The following RNF212 variants were observed in gnomAD, a reference collection of about 807,000 sequenced individuals.
RNF212 encodes the protein ring finger protein 212.
In RNF212, 33 loss-of-function variants were observed where a neutral mutation model predicts 34.7. The observed-to-expected ratio is 0.95, with a 90% confidence interval of 0.72 to 1.27. RNF212 has a LOEUF of 1.27. Among genes scored for constraint, RNF212 ranks in the 50% most tolerant of loss-of-function variants. The pLI is 0.00. For synonymous variants in RNF212, 140 were observed against 136.1 expected, an observed-to-expected ratio of 1.03 and a Z score of -0.20; for missense variants, 377 against 362.2, an observed-to-expected ratio of 1.04 and a Z score of -0.33.
chr4:1,091,078 T>C (rs1722119851), intron 3 of RNF212, among the ~76,000 whole-genome samples: 1 of 152,262 alleles, frequency 6.6e-6, no homozygotes, highest in South Asian at 2.1e-4. Context: ...TCCATTCAAG[T>C]TGCGAGTGGT....
chr4:1,112,648 G>C (rs1725872284), intron 1 of RNF212, among the ~76,000 whole-genome samples: 1 of 150,216 alleles, frequency 6.7e-6, no homozygotes, highest in Non-Finnish European at 1.5e-5. Flanking sequence ...CTGCAAGCCA[G>C]AGCCCCCGAC....
At chr4:1,105,339 AGGCACT>A (rs757253008) in intron 2 of RNF212, among the ~76,000 whole-genome samples, 173 of 152,298 alleles carry the variant, frequency 1.1e-3, no homozygotes, top group Non-Finnish European at 2.1e-3. Flanking sequence ...CCACATCCCC[AGGCACT>A]GGCTTCAGTC....
At chr4:1,074,912 T>C (rs1022682063) in intron 8 of RNF212, among the ~76,000 whole-genome samples, 5 of 49,982 alleles carry the variant, frequency 1.0e-4, no homozygotes, top group African/African-American at 4.3e-4. Context: ...CATTTCTGGA[T>C]CCTTCCATCC....
rs35166968 is a variant in RNF212, at chr4:1,106,249, TACACACAC to T, written c.171+2086_171+2093del. 2.4e-3 allele frequency among the ~76,000 whole-genome samples: 349 copies of T among 146,050 alleles called. 4 individuals are homozygous for T. Among genetic ancestry groups the T allele is most frequent in the South Asian group, 9.1e-3 (40 of 4,414 alleles). On this transcript the variant is annotated intron_variant, in intron 2 of 9. Transcript: ENST00000433731. Reference sequence around the variant, plus strand: ...CTTCTACATGTTAAACAATTTTACTTACACACACACACACACACACACACACACACACA... The same window carrying T: ...CTTCTACATGTTAAACAATTTTACTTACACACACACACACACACACACACA...
chr4:1,097,384 C>T (rs1723226836), intron 2 of RNF212, among the ~76,000 whole-genome samples: 3 of 151,998 alleles, frequency 2.0e-5, no homozygotes, highest in Non-Finnish European at 4.4e-5. Flanking sequence ...GCGGGCGGAT[C>T]ACAAGGTCAG....
intron 2 of RNF212, among the ~76,000 whole-genome samples, chr4:1,104,365 A>G (rs1724484027): frequency 6.6e-6 from 1 of 152,228 alleles, no homozygotes; most frequent in South Asian, 2.1e-4. Context: ...GACCAGGCTC[A>G]GTGGGTGGCC....
chr4:1,102,161 A>G (rs567344807), intron 2 of RNF212, among the ~76,000 whole-genome samples: 22 of 152,332 alleles, frequency 1.4e-4, no homozygotes, highest in Admixed American at 1.0e-3. Flanking sequence ...GAACAAACTA[A>G]ATCCAGACAA....
chr4:1,085,114 T>C (rs1720962263), intron 5 of RNF212, among the ~76,000 whole-genome samples: 1 of 152,196 alleles, frequency 6.6e-6, no homozygotes, highest in South Asian at 2.1e-4. Flanking sequence ...CTCCTCGACC[T>C]CCATGTTAGT....
chr4:1,072,719 A>G lies in RNF212; in HGVS notation c.*155T>C. The stretch of plus-strand genomic sequence containing the variant: ...TGTCTCTAAAATTCAAAGGTCAAAT[A>G]TAAAATTACAAAGCAAATTGGGTAA... On this transcript the variant is annotated 3_prime_UTR_variant, in exon 10 of 10. Coordinates refer to ENST00000433731, the MANE Select transcript of RNF212 (RefSeq NM_001131034.4). The G allele has an allele frequency of 7.1e-7, 1 of 1,406,444 alleles. No individual in the cohort carries two copies. Among genetic ancestry groups the G allele is most frequent in the South Asian group, 1.6e-5 (1 of 61,878 alleles). 87.1% of individuals were successfully genotyped at this position (1,406,444 alleles called of 1,614,324 possible).
At chr4:1,071,310 T>C (rs1295850038), downstream of RNF212, among the ~76,000 whole-genome samples, 7 of 152,102 alleles carry the variant, frequency 4.6e-5, no homozygotes, top group East Asian at 1.3e-3. Flanking sequence ...ATTTTTTCTG[T>C]GTGCTTGAAG....
rs1320329779 is a variant in RNF212, at chr4:1,113,379, T to C, written c.86A>G (p.Tyr29Cys). Reference sequence around the variant, plus strand: ...ACCTTTGCCGAGGCAGGCGTCGCAGTACACGTGCCCGCAGTTGGTGAGGCT... The same window carrying C: ...ACCTTTGCCGAGGCAGGCGTCGCAGCACACGTGCCCGCAGTTGGTGAGGCT... ...CFSLTNCGHVYCDACLGKGKK... is the reference protein window; with the variant it reads ...CFSLTNCGHVCCDACLGKGKK... Residue 29 changes from tyrosine (Y) to cysteine (C), a missense_variant, in exon 1 of 10, where the codon TAC (tyrosine) becomes TGC (cysteine). By Grantham distance (194) the Tyr-to-Cys change is radical. Transcript: ENST00000433731. 6.3e-7 allele frequency: 1 copy of C among 1,588,812 alleles called. No homozygotes were observed. Among genetic ancestry groups the C allele is most frequent in the Non-Finnish European group, 8.5e-7 (1 of 1,169,606 alleles).
chr4:1,111,300 T>C (rs1367892907), intron 1 of RNF212, among the ~76,000 whole-genome samples: 1 of 152,208 alleles, frequency 6.6e-6, no homozygotes, highest in East Asian at 1.9e-4. Context: ...TCTAGGATTA[T>C]AGGATTATTA....
At position 1,113,383 on chromosome 4, in the gene RNF212, C is replaced by G. The variant is rs766335413; in HGVS notation, c.82G>C (p.Val28Leu). ...SCFSLTNCGH[V>L]YCDACLGKGK... ...TTGCCGAGGCAGGCGTCGCAGTACACGTGCCCGCAGTTGGTGAGGCTGAAG... is the reference window on the plus strand; with the variant it reads ...TTGCCGAGGCAGGCGTCGCAGTACAGGTGCCCGCAGTTGGTGAGGCTGAAG... Residue 28 changes from valine (V) to leucine (L), a missense_variant, in exon 1 of 10, where the codon GTG (valine) becomes CTG (leucine). Physicochemically the swap from Val to Leu is conservative, Grantham distance 32. Transcript: ENST00000433731. 2.4e-5 allele frequency: 38 copies of G among 1,598,546 alleles called. No homozygotes were observed. Among genetic ancestry groups the G allele is most frequent in the Middle Eastern group, 1.7e-4 (1 of 6,036 alleles).
At chr4:1,113,585 AG>A (rs1726178960), upstream of RNF212, 2 of 700,230 alleles carry the variant, frequency 2.9e-6, no homozygotes, top group African/African-American at 3.8e-5. Flanking sequence ...AGTCGACGGC[AG>A]CCCTGCGCCC....
At chr4:1,110,058 G>A (rs1318981575) in intron 1 of RNF212, among the ~76,000 whole-genome samples, 3 of 152,100 alleles carry the variant, frequency 2.0e-5, no homozygotes, top group African/African-American at 7.2e-5. Flanking sequence ...TCACAGCTAG[G>A]AGTCATGCAG....
At chr4:1,112,482 A>G (rs1725842343) in intron 1 of RNF212, among the ~76,000 whole-genome samples, 1 of 151,874 alleles carries the variant, frequency 6.6e-6, no homozygotes, top group Non-Finnish European at 1.5e-5. Flanking sequence ...TTCAACACAA[A>G]ATTTTCACAG....
chr4:1,087,912 C>A (rs1721598482), intron 4 of RNF212, among the ~76,000 whole-genome samples: 1 of 152,084 alleles, frequency 6.6e-6, no homozygotes, highest in African/African-American at 2.4e-5. Context: ...GAGGCCTTCC[C>A]AGCCATGCAG....
intron 2 of RNF212, among the ~76,000 whole-genome samples, chr4:1,105,993 C>T (rs1724756039): frequency 6.6e-6 from 1 of 152,242 alleles, no homozygotes; most frequent in South Asian, 2.1e-4. Context: ...ACAGGGCCTA[C>T]ATGCATGGGG....
chr4:1,085,882 G>A lies in RNF212; in HGVS notation c.362+14C>T, dbSNP rs769141219. ...TGCCTCGACTGCGCACTCACGGGGG[G>A]TGGGGCGCCTTACCTTTGTAGTTGT... is the stretch of plus-strand genomic sequence containing the variant. On this transcript the variant is annotated intron_variant, in intron 5 of 9. Coordinates refer to ENST00000433731, the MANE Select transcript of RNF212 (RefSeq NM_001131034.4). 4 of 1,600,120 alleles carry A rather than the reference G, an allele frequency of 2.5e-6. No individual in the cohort carries two copies. In the Admixed American group the frequency reaches 6.7e-5, roughly 27 times the overall value.
Sources: allele counts gnomAD v4.1 joint callset (sites outside exome capture counted in the v4.1 genomes callset), GRCh38; gene constraint gnomAD v4.1.1; transcripts MANE v1.5; gene names NCBI Gene and HGNC (gene_info 2026-07-23, HGNC 2026-07-21).